CARTPT: variants seen among roughly 807,000 people sequenced by gnomAD.
CARTPT encodes CART prepropeptide.
In CARTPT, 6 loss-of-function variants were observed where a neutral mutation model predicts 12.2. The observed-to-expected ratio is 0.49, with a 90% confidence interval of 0.27 to 0.97. The LOEUF (loss-of-function observed/expected upper bound fraction) is 0.97. Among genes scored for constraint, CARTPT ranks in the 50% least tolerant of loss-of-function variants. The pLI is 0.12. For missense variants in CARTPT, 135 were observed against 142.0 expected (o/e 0.95, Z 0.25); for synonymous variants, 75 against 64.1 (o/e 1.17, Z -0.82).
At chr5:71,719,621 G>T in intron 1 of CARTPT, 169 bp downstream of exon 1, 2 of 852,386 alleles carry the variant, frequency 2.3e-6, no homozygotes, top group South Asian at 1.6e-5. Context: ...GAGCTCACGG[G>T]CTCCTGGCAG....
At chr5:71,720,337 G>A (rs539111981) in intron 2 of CARTPT, among the ~76,000 whole-genome samples, 171 bp from the exon 3 acceptor site, 5 of 152,272 alleles carry the variant, frequency 3.3e-5, no homozygotes, top group African/African-American at 1.2e-4. Flanking sequence ...TCTCACTGAG[G>A]TTATAAGCAC....
chr5:71,720,376 C>A, intron 2 of CARTPT, 132 bp from the exon 3 acceptor site: 1 of 765,002 alleles, frequency 1.3e-6, no homozygotes, highest in South Asian at 1.5e-5. Context: ...TCTGACTGTA[C>A]GTAGACCTCT....
Position 71,719,895 on chromosome 5 carries a change from G to A in CARTPT, c.175G>A (p.Glu59Lys), listed in dbSNP as rs1748671875. ...HEKELIEALQ[E>K]VLKKLKSKRV... is the part of the protein sequence containing the mutation. ...TGTGTTGCAGATCGAAGCGCTGCAA[G>A]AAGTCTTGAAGAAGCTCAAGAGTAA... The change falls in exon 2 of 3, where the codon GAA (glutamate) becomes AAA (lysine). Residue 59 changes from glutamate (E) to lysine (K), a missense_variant. Physicochemically the swap from Glu to Lys is moderately conservative, Grantham distance 56. Transcript: ENST00000296777. The A allele has an allele frequency of 6.2e-7, 1 of 1,614,104 alleles. No homozygotes were observed. The highest frequency in any genetic ancestry group is 8.5e-7 in the Non-Finnish European group (1 of 1,180,044).
intron 1 of CARTPT, 115 bp from the exon 2 acceptor site, chr5:71,719,765 C>A: frequency 1.0e-6 from 1 of 977,284 alleles, no homozygotes; most frequent in African/African-American, 1.6e-5. Context: ...CCGCGGAGTC[C>A]CACCGCAGAG....
In CARTPT at chr5:71,719,975, G is replaced by T; in HGVS notation, c.243+12G>T. On this transcript the variant is annotated intron_variant, in intron 2 of 2. Coordinates refer to ENST00000296777, the MANE Select transcript of CARTPT (RefSeq NM_004291.4). ...GCCAAGTCCCCATGGTAAGGTTTGT[G>T]GTCACTCCCTTCCCGTGTTTTTCCA... is the stretch of plus-strand genomic sequence containing the variant. The T allele has an allele frequency of 6.2e-7, 1 of 1,609,554 alleles. No individual in the cohort carries two copies. Among genetic ancestry groups the T allele is most frequent in the Non-Finnish European group, 8.5e-7 (1 of 1,175,880 alleles).
At chr5:71,719,647 C>T (rs1580358591) in intron 1 of CARTPT, 195 bp downstream of exon 1, 2 of 770,948 alleles carry the variant, frequency 2.6e-6, no homozygotes, top group African/African-American at 1.7e-5. Flanking sequence ...TGAGCGAATC[C>T]CTCATCCCGG....
At position 71,720,857 on chromosome 5, in the gene CARTPT, T is replaced by C. The variant is rs1271096700; in HGVS notation, c.*242T>C. ...TTCTTATTTTATTTGTCTGACAAAC[T>C]CTTGTGTACCTTTGTGTAAAGAAGG... On this transcript the variant is annotated 3_prime_UTR_variant, in exon 3 of 3. Coordinates refer to ENST00000296777, the MANE Select transcript of CARTPT (RefSeq NM_004291.4). 1.8e-5 allele frequency: 9 copies of C among 506,172 alleles called. No individual in the cohort carries two copies. The highest frequency in any genetic ancestry group is 1.1e-4 in the East Asian group (3 of 27,690). The allele number at this position is 506,172 out of a possible 1,614,324, so 31.4% of individuals were successfully genotyped here.
chr5:71,719,963 G>A lies in CARTPT; in HGVS notation c.243G>A (p.Met81Ile), dbSNP rs201820310. ...AGAAGAAGTATGGCCAAGTCCCCAT[G>A]GTAAGGTTTGTGGTCACTCCCTTCC... ...IYEKKYGQVP[M>I]CDAGEQCAVR... The change falls in exon 2 of 3, where the codon ATG (methionine) becomes ATA (isoleucine). Residue 81 changes from methionine (M) to isoleucine (I), a missense_variant and splice_region_variant. Coordinates refer to ENST00000296777, the MANE Select transcript of CARTPT (RefSeq NM_004291.4). The A allele has an allele frequency of 8.1e-6, 13 of 1,613,800 alleles. No individual in the cohort carries two copies. Among genetic ancestry groups the A allele is most frequent in the Non-Finnish European group, 9.3e-6 (11 of 1,179,708 alleles).
rs552226585 is a variant in CARTPT, at chr5:71,720,944, C to G, written c.*329C>G. The stretch of plus-strand genomic sequence containing the variant: ...ATGGCAGAATGAAAATTAGATCTAG[C>G]TAATCTCGGTAGATGTCATTACAAC... On this transcript the variant is annotated 3_prime_UTR_variant, in exon 3 of 3. Coordinates refer to ENST00000296777, the MANE Select transcript of CARTPT (RefSeq NM_004291.4). 21 of 341,814 alleles carry G rather than the reference C, an allele frequency of 6.1e-5. No homozygotes were observed. The highest frequency in any genetic ancestry group is 3.8e-4 in the African/African-American group (18 of 47,374). The allele number at this position is 341,814 out of a possible 1,614,324, so 21.2% of individuals were successfully genotyped here. A position where few individuals can be genotyped will look rare whatever the true frequency, so the allele number is the denominator to read the frequency against.
At position 71,720,835 on chromosome 5, in the gene CARTPT, T is replaced by G; in HGVS notation, c.*220T>G. 1.9e-6 allele frequency: 1 copy of G among 540,354 alleles called. No homozygotes were observed. The highest frequency in any genetic ancestry group is 1.9e-5 in the African/African-American group (1 of 52,656). The allele number at this position is 540,354 out of a possible 1,614,324, so 33.5% of individuals were successfully genotyped here. A position where few individuals can be genotyped will look rare whatever the true frequency, so the allele number is the denominator to read the frequency against. ...GTGTTGATACGTGTGTGAAGTATTC[T>G]TATTTTATTTGTCTGACAAACTCTT... On this transcript the variant is annotated 3_prime_UTR_variant, in exon 3 of 3. Coordinates refer to ENST00000296777, the MANE Select transcript of CARTPT (RefSeq NM_004291.4).
At chr5:71,719,757 G>C (rs1459782175) in intron 1 of CARTPT, 123 bp from the exon 2 acceptor site, 2 of 921,774 alleles carry the variant, frequency 2.2e-6, no homozygotes, top group Admixed American at 1.8e-5. Flanking sequence ...CCCTGTGTCC[G>C]CGGAGTCCCA....
Position 71,719,351 on chromosome 5 carries a change from CTACCTCTGTTGGG to C in CARTPT, c.63_75del (p.Leu22ValfsTer28). ...CCTGGGCGCCGCCCTGCTGCTGATG[CTACCTCTGTTGGG>C]TACCCGTGCCCAGGAGGACGCCGAG... On this transcript the variant is annotated frameshift_variant, in exon 1 of 3. Transcript: ENST00000296777. LOFTEE classifies it high-confidence loss of function. 3 of 1,614,034 alleles carry C rather than the reference CTACCTCTGTTGGG, an allele frequency of 1.9e-6. No individual in the cohort carries two copies. The highest frequency in any genetic ancestry group is 2.5e-6 in the Non-Finnish European group (3 of 1,180,016).
intron 1 of CARTPT, 40 bp downstream of exon 1, chr5:71,719,492 C>T (rs1748659373): frequency 3.7e-6 from 6 of 1,612,082 alleles, no homozygotes; most frequent in Admixed American, 1.7e-5. Flanking sequence ...TGAGCTGTCG[C>T]CTTGTCTCTT....
At position 71,719,566 on chromosome 5, in the gene CARTPT, C is replaced by T. The variant is rs546191089; in HGVS notation, c.159+114C>T. 607 of 1,294,434 alleles carry T rather than the reference C, an allele frequency of 4.7e-4. 6 individuals are homozygous for T. The Admixed American group carries it at 9.3e-3, about 20-fold the overall frequency. 80.2% of individuals were successfully genotyped at this position (1,294,434 alleles called of 1,614,324 possible). A position where few individuals can be genotyped will look rare whatever the true frequency, so the allele number is the denominator to read the frequency against. ...ATTCCCAGAGTCAGGGCGCGGGGAGCTGAGCGCAACGCCCAGGCACCCACT... is the reference window on the plus strand; with the variant it reads ...ATTCCCAGAGTCAGGGCGCGGGGAGTTGAGCGCAACGCCCAGGCACCCACT... On this transcript the variant is annotated intron_variant, in intron 1 of 2. Coordinates refer to ENST00000296777, the MANE Select transcript of CARTPT (RefSeq NM_004291.4).
chr5:71,719,759 G>A (rs1362378005), intron 1 of CARTPT, 121 bp from the exon 2 acceptor site: 2 of 929,370 alleles, frequency 2.2e-6, no homozygotes, highest in Non-Finnish European at 3.5e-6. Context: ...CTGTGTCCGC[G>A]GAGTCCCACC....
Position 71,720,588 on chromosome 5 carries a change from C to A in CARTPT, c.324C>A (p.Cys108Ter). 1 of 1,611,142 alleles carries A rather than the reference C, an allele frequency of 6.2e-7. No homozygotes were observed. The highest frequency in any genetic ancestry group is 1.3e-5 in the African/African-American group (1 of 75,028). The stretch of plus-strand genomic sequence containing the variant: ...GTGACTGTCCCCGAGGAACCTCCTG[C>A]AATTCCTTCCTCCTGAAGTGCTTAT... ...KLCDCPRGTS[C>*]NSFLLKCL Residue 108 changes from cysteine (C) to a stop codon, truncating the protein, a stop_gained, in exon 3 of 3, where the codon TGC becomes TGA. Coordinates refer to ENST00000296777, the MANE Select transcript of CARTPT (RefSeq NM_004291.4). LOFTEE classifies it high-confidence loss of function.
rs756619320 is a variant in CARTPT at position 71,719,346 on chromosome 5, T to C, written c.53T>C (p.Leu18Pro). The C allele has an allele frequency of 4.5e-5, 72 of 1,613,854 alleles. No homozygotes were observed. Among genetic ancestry groups the C allele is most frequent in the Middle Eastern group, 1.6e-4 (1 of 6,080 alleles). ...CCCCTCCTGGGCGCCGCCCTGCTGC[T>C]GATGCTACCTCTGTTGGGTACCCGT... is the stretch of plus-strand genomic sequence containing the variant. ...LLPLLGAALL[L>P]MLPLLGTRAQ... The change falls in exon 1 of 3, where the codon CTG (leucine) becomes CCG (proline). Residue 18 changes from leucine to proline, a missense_variant. By Grantham distance (98) the Leu-to-Pro change is moderately conservative. Transcript: ENST00000296777.
At position 71,719,378 on chromosome 5, in the gene CARTPT, G is replaced by A; in HGVS notation, c.85G>A (p.Glu29Lys). The change falls in exon 1 of 3, where the codon GAG (glutamate) becomes AAG (lysine). Residue 29 changes from glutamate to lysine, a missense_variant. Transcript: ENST00000296777. ...MLPLLGTRAQ[E>K]DAELQPRALD... ...ACCTCTGTTGGGTACCCGTGCCCAG[G>A]AGGACGCCGAGCTCCAGCCCCGAGC... The A allele has an allele frequency of 4.3e-6, 7 of 1,614,124 alleles. No homozygotes were observed. Among genetic ancestry groups the A allele is most frequent in the Non-Finnish European group, 5.9e-6 (7 of 1,180,024 alleles).
intron 1 of CARTPT, 49 bp from the exon 2 acceptor site, chr5:71,719,831 G>A (rs2112521125): frequency 6.4e-7 from 1 of 1,570,728 alleles, no homozygotes; most frequent in South Asian, 1.1e-5. Context: ...ACCTGGGCTG[G>A]GCTCGCAGCC....
Sources: allele counts gnomAD v4.1 joint callset (sites outside exome capture counted in the v4.1 genomes callset), GRCh38; gene constraint gnomAD v4.1.1; transcripts MANE v1.5; gene names NCBI Gene and HGNC (gene_info 2026-07-23, HGNC 2026-07-21).